CNTNAP4: variants seen among roughly 807,000 people sequenced by gnomAD.
CNTNAP4 encodes contactin-associated protein-like 4.
CNTNAP4 carries 98 observed loss-of-function variants against 148.4 expected under a neutral mutation model. The ratio of observed to expected loss-of-function variants is 0.66; its 90% CI spans 0.56 to 0.78. CNTNAP4 has a LOEUF of 0.78. CNTNAP4 is among the 30% of genes least tolerant of loss of function. The pLI is 0.00. For missense variants in CNTNAP4, 1,935 were observed against 1,565.6 expected (o/e 1.24, Z -3.98); for synonymous variants, 730 against 565.1 (o/e 1.29, Z -4.14).
At chr16:76,408,506 C>A (rs1170274282) in intron 3 of CNTNAP4, among the ~76,000 whole-genome samples, 1 of 150,842 alleles carries the variant, frequency 6.6e-6, no homozygotes, top group African/African-American at 2.5e-5. Context: ...GCATCAACCC[C>A]ATGGCCTTTT....
chr16:76,462,091 C>T lies in CNTNAP4; in HGVS notation c.1469C>T (p.Thr490Ile). Residue 490 changes from threonine to isoleucine, a missense_variant, in exon 9 of 24, where the codon ACC (threonine) becomes ATC (isoleucine). Physicochemically the swap from Thr to Ile is moderately conservative, Grantham distance 89. Transcript: ENST00000611870. ...CCTGAGCAGATTTATTCGGGTGGCACCTATTATTTTGGAGGTAAGAATAGG... is the reference window on the plus strand; with the variant it reads ...CCTGAGCAGATTTATTCGGGTGGCATCTATTATTTTGGAGGTAAGAATAGG... ...LGPEQIYSGG[T>I]YYFGGCPDKS... 5 of 1,613,236 alleles carry T rather than the reference C, an allele frequency of 3.1e-6. No homozygotes were observed. Among genetic ancestry groups the T allele is most frequent in the South Asian group, 1.1e-5 (1 of 90,992 alleles).
chr16:76,440,519 C>G (rs904921790), intron 4 of CNTNAP4, among the ~76,000 whole-genome samples: 1 of 152,108 alleles, frequency 6.6e-6, no homozygotes, highest in African/African-American at 2.4e-5. Context: ...ACATTCATTT[C>G]CATGGTACAA....
At chr16:76,491,199 A>G (rs1328589075) in intron 13 of CNTNAP4, among the ~76,000 whole-genome samples, 1 of 151,774 alleles carries the variant, frequency 6.6e-6, no homozygotes, top group Non-Finnish European at 1.5e-5. Flanking sequence ...TACCCCTCCA[A>G]TCCCATCTTT....
At chr16:76,356,112 C>A (rs1237732473) in intron 3 of CNTNAP4, among the ~76,000 whole-genome samples, 1 of 151,966 alleles carries the variant, frequency 6.6e-6, no homozygotes, top group Non-Finnish European at 1.5e-5. Flanking sequence ...TGGCCTCAAG[C>A]AGTCCACCTG....
At chr16:76,370,040 C>G (rs936489433) in intron 3 of CNTNAP4, among the ~76,000 whole-genome samples, 4 of 152,312 alleles carry the variant, frequency 2.6e-5, no homozygotes, top group African/African-American at 9.6e-5. Flanking sequence ...ATTTTGCCAG[C>G]TGTCTGGGTA....
Position 76,560,627 on chromosome 16 carries a change from C to T in CNTNAP4, c.*1944C>T, listed in dbSNP as rs893210918. 6.6e-6 allele frequency among the ~76,000 whole-genome samples: 1 copy of T among 152,164 alleles called. No homozygotes were observed. Among genetic ancestry groups the T allele is most frequent in the African/African-American group, 2.4e-5 (1 of 41,434 alleles). ...TTTATTGGTGAAGCCTCACAGTCCT[C>T]TGTGGTCTGCACTGCTAGAGACTCA... is the stretch of plus-strand genomic sequence containing the variant. On this transcript the variant is annotated 3_prime_UTR_variant, in exon 24 of 24. Coordinates refer to ENST00000611870, the MANE Select transcript of CNTNAP4 (RefSeq NM_033401.5).
intron 1 of CNTNAP4, chr16:76,309,814 C>A (rs1960895992): frequency 4.3e-6 from 3 of 699,818 alleles, no homozygotes; most frequent in Non-Finnish European, 5.2e-6. Flanking sequence ...GTCATGAGAT[C>A]TGATGGGTTG....
chr16:76,548,353 ATCTT>A (rs1483872653), intron 21 of CNTNAP4, among the ~76,000 whole-genome samples: 1 of 114,930 alleles, frequency 8.7e-6, no homozygotes, highest in African/African-American at 3.3e-5. Flanking sequence ...AGACATTGAG[ATCTT>A]TCTTTTTAAA....
intron 9 of CNTNAP4, among the ~76,000 whole-genome samples, 175 bp downstream of exon 9, chr16:76,462,280 A>G (rs1597621387): frequency 6.6e-6 from 1 of 152,292 alleles, no homozygotes; most frequent in Middle Eastern, 3.4e-3. Context: ...CCTGAAATGC[A>G]TTTCTGCAAG....
intron 2 of CNTNAP4, among the ~76,000 whole-genome samples, chr16:76,331,066 A>G (rs990737236): frequency 6.6e-6 from 1 of 152,152 alleles, no homozygotes; most frequent in Non-Finnish European, 1.5e-5. Flanking sequence ...GCATTTCACA[A>G]TTTTGTGAAA....
chr16:76,546,239 C>T (rs2084725533), intron 21 of CNTNAP4, among the ~76,000 whole-genome samples: 2 of 152,168 alleles, frequency 1.3e-5, no homozygotes, highest in Admixed American at 1.3e-4. Flanking sequence ...CAAGGAGATA[C>T]TGCAAGATCA....
At position 76,349,269 on chromosome 16, in the gene CNTNAP4, CA is replaced by C. The variant is rs1965175065; in HGVS notation, c.197-6046del. ...TAATAGCAGAAAAGAGTCTGTTCTC[CA>C]AATGTCCTCACAAAATCCTGAAATT... On this transcript the variant is annotated intron_variant, in intron 2 of 23. Transcript: ENST00000611870. 6.6e-5 allele frequency among the ~76,000 whole-genome samples: 10 copies of C among 152,146 alleles called. No homozygotes were observed. The South Asian group carries it at 2.1e-3, about 31-fold the overall frequency.
At chr16:76,296,830 C>T (rs1268964194) in intron 1 of CNTNAP4, among the ~76,000 whole-genome samples, 1 of 152,138 alleles carries the variant, frequency 6.6e-6, no homozygotes, top group Non-Finnish European at 1.5e-5. Context: ...TTGAGAAGAG[C>T]TGAAATAATT....
chr16:76,554,786 G>T (rs1187118822), intron 23 of CNTNAP4, among the ~76,000 whole-genome samples: 4 of 151,216 alleles, frequency 2.6e-5, no homozygotes, highest in African/African-American at 9.7e-5. Context: ...TATTTCGTTT[G>T]CAGGTGACTT....
intron 15 of CNTNAP4, among the ~76,000 whole-genome samples, chr16:76,516,024 A>G (rs930489407): frequency 1.3e-5 from 2 of 152,180 alleles, no homozygotes; most frequent in African/African-American, 4.8e-5. Context: ...GGCTGCACCT[A>G]TCAACCCGTC....
intron 10 of CNTNAP4, among the ~76,000 whole-genome samples, chr16:76,469,849 C>T (rs2081302679): frequency 6.6e-6 from 1 of 152,126 alleles, no homozygotes; most frequent in Admixed American, 6.5e-5. Flanking sequence ...ATCAAAGTAA[C>T]ATTTGCATAC....
Position 76,467,441 on chromosome 16 carries a change from G to C in CNTNAP4, c.1573G>C (p.Val525Leu), listed in dbSNP as rs753820615. ...GAGGCTCATTTCTATCAGCGGCAAAGTGGTAGATCTGATTTCAGTTCAGCA... is the reference window on the plus strand; with the variant it reads ...GAGGCTCATTTCTATCAGCGGCAAACTGGTAGATCTGATTTCAGTTCAGCA... Reference protein sequence around the residue: ...CMRLISISGKVVDLISVQQGS... With the variant: ...CMRLISISGKLVDLISVQQGS... Residue 525 changes from valine (V) to leucine (L), a missense_variant, in exon 10 of 24, where the codon GTG becomes CTG. Transcript: ENST00000611870. 6.2e-7 allele frequency: 1 copy of C among 1,613,884 alleles called. No individual in the cohort carries two copies. The highest frequency in any genetic ancestry group is 8.5e-7 in the Non-Finnish European group (1 of 1,179,838).
intron 2 of CNTNAP4, among the ~76,000 whole-genome samples, chr16:76,331,668 C>T (rs183925102): frequency 6.6e-6 from 1 of 152,148 alleles, no homozygotes; most frequent in Admixed American, 6.5e-5. Flanking sequence ...AAATTATATC[C>T]TTATGCATTG....
chr16:76,396,182 C>T (rs1506839), intron 3 of CNTNAP4, among the ~76,000 whole-genome samples: 58,032 of 151,976 alleles, frequency 0.38, 11,680 homozygotes, highest in Middle Eastern at 0.51. Flanking sequence ...AGACCTTAGG[C>T]GTTTATATAG....
Sources: allele counts gnomAD v4.1 joint callset (sites outside exome capture counted in the v4.1 genomes callset), GRCh38; gene constraint gnomAD v4.1.1; transcripts MANE v1.5; gene names NCBI Gene and HGNC (gene_info 2026-07-23, HGNC 2026-07-21).